The following NDUFA8 variants were observed in gnomAD, a reference collection of about 807,000 sequenced individuals.
NDUFA8 encodes the protein NADH dehydrogenase [ubiquinone] 1 alpha subcomplex subunit 8.
A neutral mutation model predicts 20.9 loss-of-function variants in NDUFA8; 16 were observed. The observed-to-expected ratio is 0.77, with a 90% CI of 0.52 to 1.16. The LOEUF (loss-of-function observed/expected upper bound fraction) is 1.16, where lower values mean the gene tolerates loss of function less well. NDUFA8 is among the 50% of genes most tolerant of loss of function. The pLI is 0.00. For synonymous variants in NDUFA8, 70 were observed against 76.1 expected, an observed-to-expected ratio of 0.92 and a Z score of 0.41; for missense variants, 202 against 216.4, an observed-to-expected ratio of 0.93 and a Z score of 0.42.
At position 122,159,727 on chromosome 9, in the gene NDUFA8, C is replaced by A. The variant is rs763412227; in HGVS notation, c.-50G>T. 11 of 1,613,474 alleles carry A rather than the reference C, an allele frequency of 6.8e-6. No homozygotes were observed. Among genetic ancestry groups the A allele is most frequent in the Admixed American group, 3.3e-5 (2 of 60,030 alleles). The stretch of plus-strand genomic sequence containing the variant: ...GAGAAGCCCTCAGCCGCGTCGCCCC[C>A]GTCTCCTTGAACTCCCCTTTCGACC... On this transcript the variant is annotated 5_prime_UTR_variant, in exon 1 of 4. Transcript: ENST00000373768.
chr9:122,151,935 C>T (rs1024779865), intron 2 of NDUFA8, among the ~76,000 whole-genome samples: 3 of 152,152 alleles, frequency 2.0e-5, no homozygotes, highest in Non-Finnish European at 4.4e-5. Flanking sequence ...GTTTTACGTG[C>T]CTTTTCAAAT....
chr9:122,132,896 C>T, the NDUFA8 span: 30 of 455,958 alleles, frequency 6.6e-5, no homozygotes, highest in Middle Eastern at 6.5e-4. Context: ...CTCCCAGCTC[C>T]ACCAGGGCTT....
chr9:122,147,655 C>T (rs978139342), intron 3 of NDUFA8, among the ~76,000 whole-genome samples: 1 of 130,254 alleles, frequency 7.7e-6, no homozygotes, highest in African/African-American at 3.0e-5. Context: ...CGGAGTCTCG[C>T]TCTGTTGCCC....
rs768566030 is a variant in NDUFA8, at chr9:122,152,370, A to G, written c.90T>C (p.His30=). ...GCTTATCACATTGAGCTCCATAGTG[A>G]TGGGCCGCAGCTTTAAGCACAGCAG... ...ISSAVLKAAA[H]HYGAQCDKPN... Residue 30 remains histidine, a synonymous_variant, in exon 2 of 4, where the codon CAT becomes CAC. Coordinates refer to ENST00000373768, the MANE Select transcript of NDUFA8 (RefSeq NM_014222.3). 5.0e-6 allele frequency: 8 copies of G among 1,613,980 alleles called. No homozygotes were observed. In the African/African-American group the frequency reaches 9.3e-5, roughly 19 times the overall value.
chr9:122,152,204 T>C (rs1385219598), intron 2 of NDUFA8, 41 bp downstream of exon 2: 1 of 1,612,150 alleles, frequency 6.2e-7, no homozygotes, highest in East Asian at 2.2e-5. Context: ...TTTAAACCTT[T>C]ATGCTTCAAC....
At chr9:122,152,508 G>A (rs1043697446) in intron 1 of NDUFA8, 100 bp from the exon 2 acceptor site, 4 of 1,114,090 alleles carry the variant, frequency 3.6e-6, no homozygotes, top group Non-Finnish European at 5.3e-6. Flanking sequence ...CACAAAAGTA[G>A]CACTGTTCTG....
Position 122,144,113 on chromosome 9 carries a change from A to AT in NDUFA8, c.*127dup. On this transcript the variant is annotated 3_prime_UTR_variant, in exon 4 of 4. Coordinates refer to ENST00000373768, the MANE Select transcript of NDUFA8 (RefSeq NM_014222.3). The stretch of plus-strand genomic sequence containing the variant: ...TGGTATAGAATAACTGCCAAGTCAC[A>AT]TAAGTTAACTTTTTTGTTAATGTTT... The AT allele has an allele frequency of 6.4e-7, 1 of 1,553,760 alleles. No homozygotes were observed. Among genetic ancestry groups the AT allele is most frequent in the Non-Finnish European group, 8.7e-7 (1 of 1,149,346 alleles).
chr9:122,150,410 CAAAAAAAAAAAA>C (rs60728190), intron 2 of NDUFA8, among the ~76,000 whole-genome samples: 1 of 19,652 alleles, frequency 5.1e-5, no homozygotes, highest in South Asian at 3.0e-3. Flanking sequence ...CACCCCATCA[CAAAAAAAAAAAA>C]AAAAAAAAAA....
intron 1 of NDUFA8, among the ~76,000 whole-genome samples, chr9:122,158,484 AGGCC>A (rs888007188): frequency 1.3e-5 from 2 of 152,116 alleles, no homozygotes; most frequent in African/African-American, 4.8e-5. Flanking sequence ...AAGTTCTGCT[AGGCC>A]GTCTCATTCT....
chr9:122,138,868 G>GGC, the NDUFA8 span, among the ~76,000 whole-genome samples: 826 of 143,360 alleles, frequency 5.8e-3, 26 homozygotes, highest in African/African-American at 0.019. Context: ...GAAGAGGTGG[G>GGC]GGGGGGGCCA....
chr9:122,148,263 T>G lies in NDUFA8; in HGVS notation c.230A>C (p.His77Pro). ...ALDFFRQIKR[H>P]CAEPFTEYWT... is the part of the protein sequence containing the mutation. ...ATATTCTGTAAAAGGCTCTGCACAG[T>G]GACGTTTTATCTGCCTGGAAAAGAA... is the stretch of plus-strand genomic sequence containing the variant. The change falls in exon 3 of 4, where the codon CAC becomes CCC. Residue 77 changes from histidine (H) to proline (P), a missense_variant. By Grantham distance (77) the His-to-Pro change is moderately conservative. Transcript: ENST00000373768. 1 of 1,614,182 alleles carries G rather than the reference T, an allele frequency of 6.2e-7. No homozygotes were observed. The highest frequency in any genetic ancestry group is 1.3e-5 in the African/African-American group (1 of 75,044).
Position 122,154,689 on chromosome 9 carries a change from C to A in NDUFA8, c.52-2281G>T, listed in dbSNP as rs1325046324. Among the ~76,000 whole-genome samples the A allele has an allele frequency of 9.9e-5, 15 of 152,126 alleles. No homozygotes were observed. In the East Asian group the frequency reaches 2.9e-3, roughly 29 times the overall value. On this transcript the variant is annotated intron_variant, in intron 1 of 3. Transcript: ENST00000373768. ...CTCATTTCCTATTTTATTGCTTTAA[C>A]CAACCCCTTCAGGACAATACAGACG...
the NDUFA8 span, among the ~76,000 whole-genome samples, chr9:122,137,242 T>TTTTC: frequency 8.6e-6 from 1 of 116,850 alleles, no homozygotes; most frequent in Non-Finnish European, 1.9e-5. Flanking sequence ...CCTTTCCTTT[T>TTTTC]TTTTTTTTTT....
intron 1 of NDUFA8, among the ~76,000 whole-genome samples, chr9:122,154,849 G>C (rs1829054359): frequency 6.6e-6 from 1 of 152,056 alleles, no homozygotes; most frequent in South Asian, 2.1e-4. Flanking sequence ...ATTCTAATTA[G>C]TTTTGCTTTA....
intron 1 of NDUFA8, among the ~76,000 whole-genome samples, chr9:122,152,908 G>A (rs530169990): frequency 6.6e-5 from 10 of 152,162 alleles, no homozygotes; most frequent in Middle Eastern, 3.4e-3. Context: ...AGTCTTCTGG[G>A]ATGCAGGGAG....
chr9:122,143,187 C>T (rs1356134105), downstream of NDUFA8, among the ~76,000 whole-genome samples: 3 of 152,072 alleles, frequency 2.0e-5, no homozygotes, highest in African/African-American at 7.2e-5. Flanking sequence ...AGAATGAGCT[C>T]GAAGGGCCTT....
chr9:122,133,034 T>C, the NDUFA8 span: 2 of 456,038 alleles, frequency 4.4e-6, no homozygotes, highest in Admixed American at 4.7e-5. Flanking sequence ...ATGCCCATGG[T>C]TCCATCTAAT....
the NDUFA8 span, among the ~76,000 whole-genome samples, chr9:122,135,865 A>G: frequency 6.6e-6 from 1 of 152,218 alleles, no homozygotes; most frequent in African/African-American, 2.4e-5. Flanking sequence ...CTGGGATTAC[A>G]GGTGTGAGCC....
downstream of NDUFA8, among the ~76,000 whole-genome samples, chr9:122,139,884 G>A (rs1018537224): frequency 1.3e-5 from 2 of 152,220 alleles, no homozygotes; most frequent in African/African-American, 4.8e-5. Context: ...AGTAGAGAAG[G>A]GTTTCCTCAT....
Sources: allele counts gnomAD v4.1 joint callset (sites outside exome capture counted in the v4.1 genomes callset), GRCh38; gene constraint gnomAD v4.1.1; transcripts MANE v1.5; gene names NCBI Gene and HGNC (gene_info 2026-07-23, HGNC 2026-07-21).